CEP83: variants seen among roughly 807,000 people sequenced by gnomAD.
CEP83 encodes the protein centrosomal protein 83.
In CEP83, 70 loss-of-function variants were observed where a neutral mutation model predicts 101.9. The ratio of observed to expected loss-of-function variants is 0.69; its 90% CI spans 0.57 to 0.84. CEP83 has a LOEUF of 0.84. CEP83 is among the 40% of genes least tolerant of loss of function. The probability of loss-of-function intolerance (pLI) is 0.00; values close to 1 mark genes in which losing one functional copy is unlikely to be tolerated. For missense variants in CEP83, 715 were observed against 787.2 expected, an observed-to-expected ratio of 0.91 and a Z score of 1.10; for synonymous variants, 264 against 267.9, an observed-to-expected ratio of 0.99 and a Z score of 0.14.
intron 4 of CEP83, among the ~76,000 whole-genome samples, chr12:94,405,505 T>A (rs1227217682): frequency 6.6e-6 from 1 of 152,152 alleles, no homozygotes; most frequent in Non-Finnish European, 1.5e-5. Context: ...GGATGATGGG[T>A]ACATGGGAAT....
intron 2 of CEP83, among the ~76,000 whole-genome samples, chr12:94,428,534 A>G (rs529394209): frequency 1.5e-4 from 23 of 152,326 alleles, no homozygotes; most frequent in Non-Finnish European, 3.1e-4. Context: ...AGTTAAAGAG[A>G]AATTGATACT....
intron 11 of CEP83, among the ~76,000 whole-genome samples, chr12:94,339,446 C>T (rs1326547903): frequency 6.6e-6 from 1 of 152,142 alleles, no homozygotes; most frequent in East Asian, 1.9e-4. Context: ...GTTGCTAGTG[C>T]ACACTTGAAA....
Position 94,375,874 on chromosome 12 carries a change from A to T in CEP83, c.933+12T>A. Reference sequence around the variant, plus strand: ...ATTCTAAAGAATGAAACAGAAACATAAAACAACTTACTTTACTGGACAATG... The same window carrying T: ...ATTCTAAAGAATGAAACAGAAACATTAAACAACTTACTTTACTGGACAATG... On this transcript the variant is annotated intron_variant, in intron 8 of 16. Coordinates refer to ENST00000397809, the MANE Select transcript of CEP83 (RefSeq NM_016122.3). 1 of 1,388,836 alleles carries T rather than the reference A, an allele frequency of 7.2e-7. No homozygotes were observed. Among genetic ancestry groups the T allele is most frequent in the African/African-American group, 1.5e-5 (1 of 67,828 alleles). The allele number at this position is 1,388,836 out of a possible 1,614,324, so 86.0% of individuals were successfully genotyped here.
At chr12:94,440,966 T>C (rs909685324) in intron 1 of CEP83, among the ~76,000 whole-genome samples, 17 of 152,092 alleles carry the variant, frequency 1.1e-4, no homozygotes, top group Admixed American at 2.6e-4. Flanking sequence ...GCTGGGACAA[T>C]TGACAAGCCA....
intron 11 of CEP83, among the ~76,000 whole-genome samples, chr12:94,348,965 C>T (rs934908217): frequency 3.8e-5 from 5 of 130,858 alleles, no homozygotes; most frequent in African/African-American, 6.0e-5. Flanking sequence ...GCTTCCACAA[C>T]GAGCAGGATG....
chr12:94,273,772 A>G, the CEP83 span, among the ~76,000 whole-genome samples: 1 of 152,232 alleles, frequency 6.6e-6, no homozygotes, highest in Admixed American at 6.5e-5. Flanking sequence ...CTACCTCAGC[A>G]TCCACAAAAT....
rs1156808836 is a variant in CEP83, at chr12:94,447,607, T to C, written c.-155+11950A>G. ...TAAAAATATAATTATTTTCACTTCA[T>C]CTCGTTTAAAGACATAAGACTACAT... On this transcript the variant is annotated intron_variant, in intron 1 of 16. Transcript: ENST00000397809. 2.6e-5 allele frequency among the ~76,000 whole-genome samples: 4 copies of C among 152,258 alleles called. No individual in the cohort carries two copies. The East Asian group carries it at 7.7e-4, about 29-fold the overall frequency.
intron 11 of CEP83, among the ~76,000 whole-genome samples, chr12:94,337,006 G>C (rs545436000): frequency 6.6e-6 from 1 of 152,204 alleles, no homozygotes; most frequent in African/African-American, 2.4e-5. Flanking sequence ...AGATGAAAAT[G>C]GAACAGAGAA....
the CEP83 span, among the ~76,000 whole-genome samples, chr12:94,271,166 T>G: frequency 6.6e-6 from 1 of 152,206 alleles, no homozygotes; most frequent in Non-Finnish European, 1.5e-5. Context: ...TAGAAATATA[T>G]TTTATAGGTT....
the CEP83 span, among the ~76,000 whole-genome samples, chr12:94,274,349 G>GA: frequency 2.6e-5 from 4 of 151,740 alleles, no homozygotes. Context: ...AAGAAAGAAA[G>GA]AAAACCCTTG....
intron 1 of CEP83, among the ~76,000 whole-genome samples, 177 bp from the exon 2 acceptor site, chr12:94,435,504 C>G (rs898748725): frequency 1.3e-5 from 2 of 152,190 alleles, no homozygotes; most frequent in Admixed American, 1.3e-4. Context: ...GCAAATGCCA[C>G]AAGACAGCCA....
At chr12:94,398,808 G>A (rs1390828136) in intron 6 of CEP83, among the ~76,000 whole-genome samples, 1 of 152,110 alleles carries the variant, frequency 6.6e-6, no homozygotes, top group Non-Finnish European at 1.5e-5. Flanking sequence ...ATACCCTGGG[G>A]AAGGAATGCA....
chr12:94,312,860 G>A, intron 15 of CEP83, 54 bp downstream of exon 15: 2 of 1,274,254 alleles, frequency 1.6e-6, no homozygotes, highest in South Asian at 2.9e-5. Context: ...TAGAGACAAA[G>A]TTCTATGACA....
rs1314263637 is a variant in CEP83, at chr12:94,403,214, C to G, written c.373G>C (p.Glu125Gln). The change falls in exon 5 of 17, where the codon GAA becomes CAA. Residue 125 changes from glutamate (E) to glutamine (Q), a missense_variant. Glu to Gln is a conservative substitution (Grantham distance 29). Transcript: ENST00000397809. ...LELLRAQIQQ[E>Q]LETPMRERFR... The stretch of plus-strand genomic sequence containing the variant: ...CGTTCTCTCATTGGAGTTTCTAATT[C>G]TTGTTGTATTTGGGCTCTTAGCAAT... The G allele has an allele frequency of 1.3e-6, 2 of 1,586,740 alleles. No individual in the cohort carries two copies. Among genetic ancestry groups the G allele is most frequent in the Non-Finnish European group, 1.7e-6 (2 of 1,156,134 alleles).
chr12:94,282,086 A>C, the CEP83 span: 1 of 490,028 alleles, frequency 2.0e-6, no homozygotes, highest in Non-Finnish European at 3.7e-6. Flanking sequence ...CAGGCTTATC[A>C]GGGAAGAAGT....
rs1593051395 is a variant in CEP83 at position 94,308,873 on chromosome 12, T to C, written c.2046A>G (p.Leu682=). Residue 682 remains leucine (L), a synonymous_variant, in exon 17 of 17, where the codon CTA becomes CTG. Coordinates refer to ENST00000397809, the MANE Select transcript of CEP83 (RefSeq NM_016122.3). ...TTCTTTGTGTTGTTTCCAGTTCTTCTAGTCTTTTGCGAAGTAGAGAGAGTT... is the reference window on the plus strand; with the variant it reads ...TTCTTTGTGTTGTTTCCAGTTCTTCCAGTCTTTTGCGAAGTAGAGAGAGTT... ...QRELSLLRKR[L]EELETTQRKQ... The C allele has an allele frequency of 1.9e-6, 3 of 1,612,960 alleles. No homozygotes were observed. The highest frequency in any genetic ancestry group is 2.5e-6 in the Non-Finnish European group (3 of 1,179,074).
intron 11 of CEP83, among the ~76,000 whole-genome samples, chr12:94,363,530 T>G (rs1328227012): frequency 6.6e-6 from 1 of 152,190 alleles, no homozygotes; most frequent in Non-Finnish European, 1.5e-5. Context: ...TAAGGAGATG[T>G]TTGTACACAC....
chr12:94,371,366 GTGTC>G (rs745388485), intron 8 of CEP83, among the ~76,000 whole-genome samples: 13 of 152,218 alleles, frequency 8.5e-5, no homozygotes, highest in Non-Finnish European at 1.9e-4. Flanking sequence ...TGTATAGACT[GTGTC>G]TGTGTGCGCA....
At chr12:94,318,559 G>A (rs1242184524) in intron 14 of CEP83, among the ~76,000 whole-genome samples, 1 of 152,154 alleles carries the variant, frequency 6.6e-6, no homozygotes, top group Non-Finnish European at 1.5e-5. Context: ...GTTTGTCACA[G>A]ATGGCTCTCA....
Sources: allele counts gnomAD v4.1 joint callset (sites outside exome capture counted in the v4.1 genomes callset), GRCh38; gene constraint gnomAD v4.1.1; transcripts MANE v1.5; gene names NCBI Gene and HGNC (gene_info 2026-07-23, HGNC 2026-07-21).